SAXO2: variants seen among roughly 807,000 people sequenced by gnomAD.
SAXO2 encodes the protein stabilizer of axonemal microtubules 2.
A neutral mutation model predicts 18.7 loss-of-function variants in SAXO2; 17 were observed. That is an observed-to-expected ratio of 0.91 (90% CI 0.62 to 1.36). SAXO2 has a LOEUF of 1.36. Among genes scored for constraint, SAXO2 ranks in the 40% most tolerant of loss-of-function variants. The pLI, the probability that SAXO2 is intolerant of heterozygous loss-of-function variation, is 0.00. For synonymous variants in SAXO2, 163 were observed against 181.2 expected (o/e 0.90, Z 0.81); for missense variants, 486 against 562.6 (o/e 0.86, Z 1.38).
In SAXO2 at chr15:82,271,606, G is replaced by T. The variant is rs200016551; in HGVS notation, c.237G>T (p.Ser79=). 20 of 1,605,088 alleles carry T rather than the reference G, an allele frequency of 1.2e-5. No homozygotes were observed. The highest frequency in any genetic ancestry group is 1.6e-5 in the Non-Finnish European group (19 of 1,176,590). ...GKMEGITTFK[S]DYCPYEIVKQ... is the part of the protein sequence containing the mutation. Reference sequence around the variant, plus strand: ...GTTTCAAATTTATATATTTCAGGTCGGATTATTGTCCTTATGAAATAGTTA... The same window carrying T: ...GTTTCAAATTTATATATTTCAGGTCTGATTATTGTCCTTATGAAATAGTTA... Residue 79 remains serine, a synonymous_variant, in exon 3 of 4, where the codon TCG becomes TCT. Transcript: ENST00000682753.
At chr15:82,281,389 T>C (rs1384670906) in intron 3 of SAXO2, among the ~76,000 whole-genome samples, 1 of 152,138 alleles carries the variant, frequency 6.6e-6, no homozygotes, top group African/African-American at 2.4e-5. Context: ...CCCAGATCTC[T>C]GCTCTGATGG....
intron 2 of SAXO2, among the ~76,000 whole-genome samples, chr15:82,266,863 C>T (rs2075223199): frequency 6.6e-6 from 1 of 152,234 alleles, no homozygotes; most frequent in African/African-American, 2.4e-5. Flanking sequence ...CCTACTAGCA[C>T]ATACTAGGTA....
At chr15:82,278,357 C>T (rs1446543257) in intron 3 of SAXO2, among the ~76,000 whole-genome samples, 1 of 152,236 alleles carries the variant, frequency 6.6e-6, no homozygotes, top group African/African-American at 2.4e-5. Context: ...AACCACCACA[C>T]ACCCGCTTTC....
At chr15:82,278,599 A>G (rs984404973) in intron 3 of SAXO2, among the ~76,000 whole-genome samples, 38 of 152,260 alleles carry the variant, frequency 2.5e-4, no homozygotes, top group Non-Finnish European at 5.4e-4. Context: ...CAATAACAGA[A>G]TATACATTCT....
rs1186457740 is a variant in SAXO2 at position 82,283,734 on chromosome 15, A to G, written c.*672A>G. On this transcript the variant is annotated 3_prime_UTR_variant, in exon 4 of 4. Transcript: ENST00000682753. ...TGCTGGAGTCCAGTGGCATAATCACAGCTTACTGCAGCCTCAGCCTCCTGA... is the reference window on the plus strand; with the variant it reads ...TGCTGGAGTCCAGTGGCATAATCACGGCTTACTGCAGCCTCAGCCTCCTGA... 6.6e-6 allele frequency: 1 copy of G among 152,360 alleles called. No individual in the cohort carries two copies. The highest frequency in any genetic ancestry group is 2.4e-5 in the African/African-American group (1 of 41,452). 9.4% of individuals were successfully genotyped at this position (152,360 alleles called of 1,614,324 possible).
chr15:82,281,099 T>C (rs2075358706), intron 3 of SAXO2, among the ~76,000 whole-genome samples: 1 of 152,228 alleles, frequency 6.6e-6, no homozygotes, highest in African/African-American at 2.4e-5. Flanking sequence ...GTGTAATAAA[T>C]TTCTATCTTT....
At chr15:82,263,308 T>A in intron 1 of SAXO2, 1 of 1,156,284 alleles carries the variant, frequency 8.6e-7, no homozygotes, top group Non-Finnish European at 1.2e-6. Flanking sequence ...GAAAGAACAG[T>A]GCTCAAGGCC....
At chr15:82,278,300 G>A (rs1305671238) in intron 3 of SAXO2, among the ~76,000 whole-genome samples, 1 of 152,160 alleles carries the variant, frequency 6.6e-6, no homozygotes, top group Non-Finnish European at 1.5e-5. Flanking sequence ...TGAGACCCAG[G>A]GGCACAGGGC....
In SAXO2 at chr15:82,262,832, C is replaced by A. The variant is rs1388259281; in HGVS notation, c.-48C>A. Reference sequence around the variant, plus strand: ...TCTGTTGCCTTGACTACGGCGGGCGCTGTGGGAGTGGAGAAGCTGCAAGTG... The same window carrying A: ...TCTGTTGCCTTGACTACGGCGGGCGATGTGGGAGTGGAGAAGCTGCAAGTG... On this transcript the variant is annotated 5_prime_UTR_variant, in exon 1 of 4. In the 5' UTR this introduces an upstream ATG that the reference lacks. Transcript: ENST00000682753. 1 of 1,550,170 alleles carries A rather than the reference C, an allele frequency of 6.5e-7. No individual in the cohort carries two copies. Among genetic ancestry groups the A allele is most frequent in the East Asian group, 2.5e-5 (1 of 40,280 alleles).
chr15:82,263,042 G>A, intron 1 of SAXO2, 110 bp downstream of exon 1: 1 of 1,530,996 alleles, frequency 6.5e-7, no homozygotes, highest in South Asian at 1.2e-5. Context: ...CCCCGGAGAT[G>A]AAGGGACGAG....
intron 3 of SAXO2, among the ~76,000 whole-genome samples, chr15:82,281,886 CT>C (rs1429929731): frequency 6.6e-6 from 1 of 151,626 alleles, no homozygotes; most frequent in Non-Finnish European, 1.5e-5. Context: ...TCAGATGAAT[CT>C]GAAAGTGGAA....
Position 82,277,189 on chromosome 15 carries a change from A to C in SAXO2, c.434-4930A>C, listed in dbSNP as rs138174582. ...TGGAATAATACAAATGCCATTTATTAATACAAAAGAAGGCAAGAAATAAGG... is the reference window on the plus strand; with the variant it reads ...TGGAATAATACAAATGCCATTTATTCATACAAAAGAAGGCAAGAAATAAGG... On this transcript the variant is annotated intron_variant, in intron 3 of 3. Coordinates refer to ENST00000682753, the MANE Select transcript of SAXO2 (RefSeq NM_001348699.2). Among the ~76,000 whole-genome samples, 722 of 152,296 alleles carry C rather than the reference A, an allele frequency of 4.7e-3. 4 individuals carry two copies. Among genetic ancestry groups the C allele is most frequent in the Non-Finnish European group, 7.4e-3 (501 of 68,006 alleles).
At position 82,282,205 on chromosome 15, in the gene SAXO2, T is replaced by C. The variant is rs2075367612; in HGVS notation, c.520T>C (p.Ser174Pro). The C allele has an allele frequency of 6.2e-7, 1 of 1,613,978 alleles. No homozygotes were observed. Among genetic ancestry groups the C allele is most frequent in the African/African-American group, 1.3e-5 (1 of 74,940 alleles). Residue 174 changes from serine (S) to proline (P), a missense_variant, in exon 4 of 4, where the codon TCA becomes CCA. Physicochemically the swap from Ser to Pro is moderately conservative, Grantham distance 74. Transcript: ENST00000682753. ...YHPPTVKFGN[S>P]TTFQDDFVPQ... ...CCCGCCTACTGTGAAATTTGGAAAT[T>C]CAACTACATTTCAGGATGATTTTGT...
At chr15:82,275,037 A>T (rs983165231) in intron 3 of SAXO2, among the ~76,000 whole-genome samples, 2 of 151,838 alleles carry the variant, frequency 1.3e-5, no homozygotes, top group African/African-American at 4.8e-5. Context: ...TAGATTAACA[A>T]AAAAAGACAT....
rs569913472 is a variant in SAXO2 at position 82,273,650 on chromosome 15, A to G, written c.433+1848A>G. ...TTATAATTAAATGTAGCATAGAGTA[A>G]TTGCTGATAAATAGATTGATATGCG... On this transcript the variant is annotated intron_variant, in intron 3 of 3. Transcript: ENST00000682753. Among the ~76,000 whole-genome samples the G allele has an allele frequency of 5.3e-5, 8 of 151,624 alleles. No individual in the cohort carries two copies. The South Asian group carries it at 1.7e-3, about 31-fold the overall frequency.
At chr15:82,272,023 C>G in intron 3 of SAXO2, 1 of 441,870 alleles carries the variant, frequency 2.3e-6, no homozygotes, top group Non-Finnish European at 4.0e-6. Flanking sequence ...CATCCAAATT[C>G]ATCTACTTTG....
chr15:82,271,782 A>G lies in SAXO2; in HGVS notation c.413A>G (p.Asp138Gly), dbSNP rs1183317156. ...AGACAAGTTAAAAAAGGAAAATTGG[A>G]CACTGTCCCAACCTATAAAGGTAAC... is the stretch of plus-strand genomic sequence containing the variant. ...LERQVKKGKL[D>G]TVPTYKDDYR... The change falls in exon 3 of 4, where the codon GAC becomes GGC. Residue 138 changes from aspartate (D) to glycine (G), a missense_variant. Transcript: ENST00000682753. 2 of 1,613,940 alleles carry G rather than the reference A, an allele frequency of 1.2e-6. No individual in the cohort carries two copies. Among genetic ancestry groups the G allele is most frequent in the East Asian group, 4.5e-5 (2 of 44,880 alleles).
intron 1 of SAXO2, chr15:82,263,283 C>T: frequency 2.2e-6 from 3 of 1,343,054 alleles, no homozygotes; most frequent in Non-Finnish European, 3.1e-6. Flanking sequence ...CCATAATCCC[C>T]CACCACGAAG....
Position 82,275,342 on chromosome 15 carries a change from C to T in SAXO2, c.433+3540C>T, listed in dbSNP as rs2075306083. ...CAAATGGGTTCACAGCTGAATTCTACCAGACATAGAAAGAACAGCTGGTAC... is the reference window on the plus strand; with the variant it reads ...CAAATGGGTTCACAGCTGAATTCTATCAGACATAGAAAGAACAGCTGGTAC... On this transcript the variant is annotated intron_variant, in intron 3 of 3. Coordinates refer to ENST00000682753, the MANE Select transcript of SAXO2 (RefSeq NM_001348699.2). Among the ~76,000 whole-genome samples the T allele has an allele frequency of 2.1e-5, 3 of 144,610 alleles. No individual in the cohort carries two copies. In the South Asian group the frequency reaches 6.5e-4, roughly 31 times the overall value. 94.9% of individuals were successfully genotyped at this position (144,610 alleles called of 152,430 possible).
Sources: allele counts gnomAD v4.1 joint callset (sites outside exome capture counted in the v4.1 genomes callset), GRCh38; gene constraint gnomAD v4.1.1; transcripts MANE v1.5; gene names NCBI Gene and HGNC (gene_info 2026-07-23, HGNC 2026-07-21).